Variants in PPP2R2A observed in about 807,000 individuals in gnomAD.
The protein encoded by PPP2R2A is serine/threonine-protein phosphatase 2A 55 kDa regulatory subunit B alpha isoform.
In PPP2R2A, 9 loss-of-function variants were observed where a neutral mutation model predicts 53.2. The ratio of observed to expected loss-of-function variants is 0.17; its 90% CI spans 0.10 to 0.30. PPP2R2A has a LOEUF of 0.30. Among genes scored for constraint, PPP2R2A ranks in the 10% least tolerant of loss-of-function variants. PPP2R2A has a pLI of 1.00. For missense variants in PPP2R2A, 235 were observed against 534.6 expected (o/e 0.44, Z 5.53); for synonymous variants, 169 against 174.2 (o/e 0.97, Z 0.23).
chr8:26,295,864 G>A (rs1801519088), intron 2 of PPP2R2A, among the ~76,000 whole-genome samples: 2 of 152,054 alleles, frequency 1.3e-5, no homozygotes. Context: ...TTTGACTAAG[G>A]GGAGATTTGC....
Position 26,328,733 on chromosome 8 carries a change from A to G in PPP2R2A, c.83-10157A>G, listed in dbSNP as rs888255008. Among the ~76,000 whole-genome samples, 3 of 152,238 alleles carry G rather than the reference A, an allele frequency of 2.0e-5. No individual in the cohort carries two copies. The East Asian group carries it at 5.8e-4, about 29-fold the overall frequency. On this transcript the variant is annotated intron_variant, in intron 2 of 9. Transcript: ENST00000380737. ...TGGGTATGTGCAAGCACATATGGCC[A>G]GACAGCAGAGGAATATTTACTAAAA... is the stretch of plus-strand genomic sequence containing the variant.
In PPP2R2A at chr8:26,370,636, TTTTAA is replaced by T; in HGVS notation, c.*229_*233del. On this transcript the variant is annotated 3_prime_UTR_variant, in exon 10 of 10. Transcript: ENST00000380737. The surrounding 1 kb of genome is among the most constrained non-coding windows in gnomAD (Gnocchi z 6.1). The stretch of plus-strand genomic sequence containing the variant: ...AGCCATTTAGGTAAGGGTAGGGCAC[TTTTAA>T]TTTAAATGACTTCTTGCACCATCTT... 1.7e-6 allele frequency: 1 copy of T among 572,186 alleles called. No homozygotes were observed. Among genetic ancestry groups the T allele is most frequent in the Non-Finnish European group, 3.1e-6 (1 of 324,802 alleles). 35.4% of individuals were successfully genotyped at this position (572,186 alleles called of 1,614,324 possible). A position where few individuals can be genotyped will look rare whatever the true frequency, so the allele number is the denominator to read the frequency against.
rs777160340 is a variant in PPP2R2A at position 26,366,317 on chromosome 8, G to A, written c.975G>A (p.Val325=). Reference sequence around the variant, plus strand: ...GTATATTTGTATTTTTCCCCCAGGTGCATGAATACCTCAGAAGTAAACTCT... The same window carrying A: ...GTATATTTGTATTTTTCCCCCAGGTACATGAATACCTCAGAAGTAAACTCT... The part of the protein sequence containing the change: ...MENRPVETYQ[V]HEYLRSKLCS... Residue 325 remains valine (V), a splice_region_variant and synonymous_variant, in exon 9 of 10, where the codon GTG becomes GTA. Transcript: ENST00000380737. The A allele has an allele frequency of 1.3e-6, 2 of 1,595,324 alleles. No individual in the cohort carries two copies. The highest frequency in any genetic ancestry group is 1.8e-5 in the Admixed American group (1 of 55,508).
intron 2 of PPP2R2A, among the ~76,000 whole-genome samples, chr8:26,328,649 T>C (rs947582947): frequency 1.3e-5 from 2 of 152,224 alleles, no homozygotes; most frequent in Non-Finnish European, 2.9e-5. Flanking sequence ...TTGTAACATT[T>C]TAAAAACTCG....
At chr8:26,325,538 T>C (rs553222075) in intron 2 of PPP2R2A, among the ~76,000 whole-genome samples, 3 of 152,322 alleles carry the variant, frequency 2.0e-5, no homozygotes, top group Admixed American at 6.5e-5. Flanking sequence ...TTAAATAATA[T>C]TTCATGTAAG....
intron 2 of PPP2R2A, among the ~76,000 whole-genome samples, chr8:26,323,610 A>G (rs933681907): frequency 2.0e-5 from 3 of 152,208 alleles, no homozygotes; most frequent in African/African-American, 7.2e-5. Context: ...CCACTTTATT[A>G]TGAAGGGCAT....
intron 2 of PPP2R2A, among the ~76,000 whole-genome samples, chr8:26,332,800 CACAG>C (rs996970550): frequency 1.3e-5 from 2 of 152,186 alleles, no homozygotes; most frequent in African/African-American, 4.8e-5. Flanking sequence ...TTTTACTAAA[CACAG>C]ACATTTTGAC....
intron 4 of PPP2R2A, among the ~76,000 whole-genome samples, chr8:26,357,283 A>AACCCCC (rs1804834951): frequency 9.5e-6 from 1 of 105,156 alleles, no homozygotes; most frequent in Non-Finnish European, 2.0e-5. Flanking sequence ...GCATAGTAAC[A>AACCCCC]CCCCCCCCCC....
chr8:26,312,715 C>T (rs1802345499), intron 2 of PPP2R2A, among the ~76,000 whole-genome samples: 1 of 152,312 alleles, frequency 6.6e-6, no homozygotes, highest in East Asian at 1.9e-4. Flanking sequence ...CCTTACTATA[C>T]TTAGCAAAGG....
chr8:26,313,700 A>G (rs1802402566), intron 2 of PPP2R2A, among the ~76,000 whole-genome samples: 1 of 152,190 alleles, frequency 6.6e-6, no homozygotes, highest in Non-Finnish European at 1.5e-5. Context: ...AAGAAAATCA[A>G]AGGAGGAAGC....
intron 2 of PPP2R2A, among the ~76,000 whole-genome samples, chr8:26,296,167 T>C (rs1801532049): frequency 6.6e-6 from 1 of 152,250 alleles, no homozygotes. Flanking sequence ...TATTCCCTGC[T>C]TCTTCGTCCT....
chr8:26,312,066 CTTGT>C (rs1802316515), intron 2 of PPP2R2A, among the ~76,000 whole-genome samples: 1 of 152,188 alleles, frequency 6.6e-6, no homozygotes, highest in African/African-American at 2.4e-5. Flanking sequence ...CTTCTACTCA[CTTGT>C]TTGTATGATG....
chr8:26,372,652 T>C lies in PPP2R2A; in HGVS notation c.*2239T>C, dbSNP rs1377993580. The C allele has an allele frequency of 6.6e-6, 1 of 152,202 alleles. No individual in the cohort carries two copies. Among genetic ancestry groups the C allele is most frequent in the East Asian group, 1.9e-4 (1 of 5,202 alleles). 9.4% of individuals were successfully genotyped at this position (152,202 alleles called of 1,614,324 possible). On this transcript the variant is annotated 3_prime_UTR_variant, in exon 10 of 10. Transcript: ENST00000380737. ...TTTTACATGGCCATGGTTAATCTTTTTATTAATAAAAATTATACTTAGAAT... is the reference window on the plus strand; with the variant it reads ...TTTTACATGGCCATGGTTAATCTTTCTATTAATAAAAATTATACTTAGAAT...
At chr8:26,329,962 G>T (rs1416093530) in intron 2 of PPP2R2A, among the ~76,000 whole-genome samples, 2 of 152,100 alleles carry the variant, frequency 1.3e-5, no homozygotes, top group Non-Finnish European at 2.9e-5. Flanking sequence ...TTTGTGTTGA[G>T]TACTCTGCAT....
At chr8:26,342,781 G>A (rs928435136) in intron 3 of PPP2R2A, among the ~76,000 whole-genome samples, 6 of 152,190 alleles carry the variant, frequency 3.9e-5, no homozygotes, top group African/African-American at 1.4e-4. Context: ...TTCCTTAACA[G>A]GATACAGAAG....
Position 26,291,757 on chromosome 8 carries a change from G to T in PPP2R2A, c.-63G>T. The T allele has an allele frequency of 6.3e-7, 1 of 1,580,150 alleles. No individual in the cohort carries two copies. Among genetic ancestry groups the T allele is most frequent in the Non-Finnish European group, 8.6e-7 (1 of 1,164,230 alleles). On this transcript the variant is annotated 5_prime_UTR_variant, in exon 1 of 10. Transcript: ENST00000380737. ...CTCTACCCCCCCATCCCCAGGTGAG[G>T]GGGGTGAGTTCAGGAAGCGGAGACC...
chr8:26,354,664 C>G lies in PPP2R2A; in HGVS notation c.346+31C>G. The G allele has an allele frequency of 6.5e-7, 1 of 1,532,072 alleles. No homozygotes were observed. The highest frequency in any genetic ancestry group is 8.8e-7 in the Non-Finnish European group (1 of 1,132,398). 94.9% of individuals were successfully genotyped at this position (1,532,072 alleles called of 1,614,324 possible). On this transcript the variant is annotated intron_variant, in intron 4 of 9. Transcript: ENST00000380737. The surrounding 1 kb of genome is among the most constrained non-coding windows in gnomAD (Gnocchi z 4.6). ...TATACATATTTTCTTTCCATGTGCCCACTGTGTGTACCTGTTGCACATATC... is the reference window on the plus strand; with the variant it reads ...TATACATATTTTCTTTCCATGTGCCGACTGTGTGTACCTGTTGCACATATC...
chr8:26,314,763 A>G (rs938878186), intron 2 of PPP2R2A, among the ~76,000 whole-genome samples: 1 of 150,262 alleles, frequency 6.7e-6, no homozygotes, highest in South Asian at 2.1e-4. Context: ...TTGGACTCGT[A>G]CTCATTGGAC....
In PPP2R2A at chr8:26,363,698, GTGT is replaced by G. The variant is rs750526752; in HGVS notation, c.803-18_803-16del. 3 of 1,537,262 alleles carry G rather than the reference GTGT, an allele frequency of 2.0e-6. No individual in the cohort carries two copies. The highest frequency in any genetic ancestry group is 8.8e-7 in the Non-Finnish European group (1 of 1,137,918). ...GAATATTGTACACCTTGCCCTTTTTGTGTTGTTTTGTTTTGTTTTTAGTGTTTG... is the reference window on the plus strand; with the variant it reads ...GAATATTGTACACCTTGCCCTTTTTGTGTTTTGTTTTGTTTTTAGTGTTTG... On this transcript the variant is annotated intron_variant, in intron 7 of 9. Coordinates refer to ENST00000380737, the MANE Select transcript of PPP2R2A (RefSeq NM_002717.4).
Sources: gnomAD v4.1 joint callset for allele counts (sites outside exome capture counted in the v4.1 genomes callset) on GRCh38, gnomAD v4.1.1 for gene constraint, Gnocchi (gnomAD v3.1) non-coding constraint, MANE v1.5 for transcripts, NCBI Gene and HGNC (gene_info 2026-07-23, HGNC 2026-07-21) for gene names.